FAM184A: variants seen among roughly 807,000 people sequenced by gnomAD.
FAM184A encodes the protein family with sequence similarity 184 member A.
A neutral mutation model predicts 143.8 loss-of-function variants in FAM184A; 99 were observed. The ratio of observed to expected loss-of-function variants is 0.69; its 90% CI spans 0.58 to 0.81. The LOEUF is 0.81. Ranked by LOEUF, FAM184A falls within the 40% of genes least tolerant of loss-of-function variation. The pLI is 0.00. For synonymous variants in FAM184A, 427 were observed against 446.4 expected, an observed-to-expected ratio of 0.96 and a Z score of 0.55; for missense variants, 1,217 against 1,310.5, an observed-to-expected ratio of 0.93 and a Z score of 1.10.
At chr6:118,991,907 C>T (rs981954101) in intron 9 of FAM184A, among the ~76,000 whole-genome samples, 2 of 151,518 alleles carry the variant, frequency 1.3e-5, no homozygotes, top group Admixed American at 6.6e-5. Context: ...GGACTACAGG[C>T]GCTGGCCACC....
chr6:118,983,080 C>T (rs988106091), intron 9 of FAM184A, among the ~76,000 whole-genome samples: 2 of 152,102 alleles, frequency 1.3e-5, no homozygotes, highest in African/African-American at 2.4e-5. Flanking sequence ...TTTGAAAGCA[C>T]ATCAAAATAA....
intron 4 of FAM184A, among the ~76,000 whole-genome samples, chr6:119,018,524 C>T (rs577054570): frequency 9.9e-5 from 15 of 152,208 alleles, no homozygotes; most frequent in African/African-American, 1.7e-4. Flanking sequence ...TGGTGAAAGA[C>T]GGGGCTCAGA....
chr6:118,964,844 C>A, intron 15 of FAM184A, 73 bp from the exon 16 acceptor site: 1 of 742,346 alleles, frequency 1.3e-6, no homozygotes, highest in Non-Finnish European at 2.2e-6. Context: ...TGTATAAACG[C>A]CATTTCATTT....
chr6:118,974,442 G>A lies in FAM184A; in HGVS notation c.2901C>T (p.Ala967=), dbSNP rs369761418. ...ATATGACTTACGACACTTGTAAAGCGGCATTTATTTCCTTGAGTAGCTCGT... is the reference window on the plus strand; with the variant it reads ...ATATGACTTACGACACTTGTAAAGCAGCATTTATTTCCTTGAGTAGCTCGT... The part of the protein sequence containing the change: ...KTNELLKEIN[A]ALQVSLEEME... The change falls in exon 14 of 18, where the codon GCC becomes GCT. Residue 967 remains alanine (A), a synonymous_variant. Coordinates refer to ENST00000338891, the MANE Select transcript of FAM184A (RefSeq NM_024581.6). The A allele has an allele frequency of 3.5e-5, 56 of 1,607,024 alleles. No individual in the cohort carries two copies. The African/African-American group carries it at 3.9e-4, about 11-fold the overall frequency.
intron 1 of FAM184A, among the ~76,000 whole-genome samples, chr6:119,144,937 G>C (rs1039282291): frequency 3.3e-5 from 5 of 152,204 alleles, no homozygotes; most frequent in Admixed American, 6.5e-5. Flanking sequence ...AGTTTACAGA[G>C]TGCAAAAGGG....
At chr6:119,025,740 C>A in intron 1 of FAM184A, 1 of 407,892 alleles carries the variant, frequency 2.5e-6, no homozygotes, top group Non-Finnish European at 4.8e-6. Context: ...TTTCTTCCCC[C>A]GGAAGCGAAA....
chr6:119,075,952 T>C (rs577465082), intron 1 of FAM184A, among the ~76,000 whole-genome samples: 1 of 152,356 alleles, frequency 6.6e-6, no homozygotes, highest in African/African-American at 2.4e-5. Flanking sequence ...TCAAACTGTT[T>C]CATTCTCAGG....
intron 1 of FAM184A, among the ~76,000 whole-genome samples, chr6:119,036,390 T>A (rs921142832): frequency 2.0e-5 from 3 of 152,136 alleles, no homozygotes; most frequent in Non-Finnish European, 4.4e-5. Flanking sequence ...AAACTCTAAT[T>A]TTAAAAGAAC....
chr6:119,122,525 C>T (rs1789244719), intron 1 of FAM184A, among the ~76,000 whole-genome samples: 1 of 152,086 alleles, frequency 6.6e-6, no homozygotes, highest in Admixed American at 6.5e-5. Context: ...GTAGAGAGGT[C>T]AAACATACAT....
chr6:119,092,737 A>G (rs981980029), intron 1 of FAM184A, among the ~76,000 whole-genome samples: 4 of 152,166 alleles, frequency 2.6e-5, no homozygotes, highest in African/African-American at 9.7e-5. Flanking sequence ...TGAGCAGATC[A>G]TGCTTCCCCT....
At chr6:119,133,727 A>T (rs1391313613) in intron 1 of FAM184A, among the ~76,000 whole-genome samples, 1 of 152,080 alleles carries the variant, frequency 6.6e-6, no homozygotes, top group Non-Finnish European at 1.5e-5. Flanking sequence ...TTCACCTCAG[A>T]AGGGGGTCCT....
At position 119,147,378 on chromosome 6, in the gene FAM184A, G is replaced by A. The variant is rs184402358; in HGVS notation, c.-202+1700C>T. Among the ~76,000 whole-genome samples the A allele has an allele frequency of 2.0e-5, 3 of 149,580 alleles. No individual in the cohort carries two copies. The Admixed American group carries it at 2.0e-4, about 10-fold the overall frequency. ...TGATTCTGACTGGGGATAGGGTGGGGTGGGTGGGGCCTTTTGCCAATTCCA... is the reference window on the plus strand; with the variant it reads ...TGATTCTGACTGGGGATAGGGTGGGATGGGTGGGGCCTTTTGCCAATTCCA... On this transcript the variant is annotated intron_variant, in intron 1 of 16. Coordinates refer to the FAM184A transcript ENST00000352896.
intron 1 of FAM184A, among the ~76,000 whole-genome samples, chr6:119,125,859 C>CA (rs1486116720): frequency 6.6e-6 from 1 of 152,190 alleles, no homozygotes; most frequent in African/African-American, 2.4e-5. Flanking sequence ...TCCAGCCACT[C>CA]AGAGTTGTAA....
intron 1 of FAM184A, among the ~76,000 whole-genome samples, chr6:119,146,397 CGTGTGTGTGTGTGTGTGTGT>C (rs60937351): frequency 1.5e-5 from 2 of 136,310 alleles, no homozygotes; most frequent in African/African-American, 2.8e-5. Context: ...GATTAACTTA[CGTGTGTGTGTGTGTGTGTGT>C]GTGTGTGTGT....
At chr6:119,056,447 C>T (rs1048965379) in intron 1 of FAM184A, among the ~76,000 whole-genome samples, 3 of 152,150 alleles carry the variant, frequency 2.0e-5, no homozygotes, top group Non-Finnish European at 2.9e-5. Context: ...AGGGTTCTAT[C>T]GTCCCACAGT....
At chr6:119,010,214 C>A (rs1326684505) in intron 6 of FAM184A, among the ~76,000 whole-genome samples, 1 of 152,152 alleles carries the variant, frequency 6.6e-6, no homozygotes, top group Non-Finnish European at 1.5e-5. Flanking sequence ...ATTTTGTCAA[C>A]AATCCGTAGT....
intron 1 of FAM184A, among the ~76,000 whole-genome samples, chr6:119,112,947 A>AT (rs1352342702): frequency 6.6e-6 from 1 of 152,160 alleles, no homozygotes; most frequent in Non-Finnish European, 1.5e-5. Flanking sequence ...CTTACAGTAC[A>AT]TTTTTCCTTG....
Position 119,013,806 on chromosome 6 carries a change from G to A in FAM184A, c.1531-2375C>T, listed in dbSNP as rs558549246. Among the ~76,000 whole-genome samples, 149 of 152,176 alleles carry A rather than the reference G, an allele frequency of 9.8e-4. 2 individuals are homozygous for A. Among genetic ancestry groups the A allele is most frequent in the Admixed American group, 4.6e-3 (71 of 15,278 alleles). ...TGTCACAAAAGGAAAGCACACTGAG[G>A]CAGATCTCAATTCATATCCTATCTC... On this transcript the variant is annotated intron_variant, in intron 5 of 17. Transcript: ENST00000338891.
chr6:119,126,186 T>A (rs1789360611), intron 1 of FAM184A, among the ~76,000 whole-genome samples: 1 of 152,204 alleles, frequency 6.6e-6, no homozygotes. Context: ...ACAGAGTTGC[T>A]CTCAGCTTCT....
Sources: allele counts gnomAD v4.1 joint callset (sites outside exome capture counted in the v4.1 genomes callset), GRCh38; gene constraint gnomAD v4.1.1; transcripts MANE v1.5; gene names NCBI Gene and HGNC (gene_info 2026-07-23, HGNC 2026-07-21).